Variants in MTA3 observed in about 807,000 individuals in gnomAD.
The protein encoded by MTA3 is metastasis-associated protein MTA3.
In MTA3, 34 loss-of-function variants were observed where a neutral mutation model predicts 83.5. The observed-to-expected ratio is 0.41, with a 90% CI of 0.31 to 0.54. MTA3 has a LOEUF of 0.54. MTA3 is among the 20% of genes least tolerant of loss of function. The pLI, the probability that MTA3 is intolerant of heterozygous loss-of-function variation, is 0.33. For missense variants in MTA3, 761 were observed against 726.4 expected (o/e 1.05, Z -0.55); for synonymous variants, 303 against 252.7 (o/e 1.20, Z -1.89).
intron 16 of MTA3, among the ~76,000 whole-genome samples, chr2:42,741,593 A>G (rs151179778): frequency 1.6e-5 from 2 of 122,884 alleles, no homozygotes; most frequent in Non-Finnish European, 3.3e-5. Context: ...GTCTCTGAGA[A>G]TAGAGATGCT....
At chr2:42,575,744 G>T (rs988375025) in intron 2 of MTA3, among the ~76,000 whole-genome samples, 1 of 152,198 alleles carries the variant, frequency 6.6e-6, no homozygotes, top group African/African-American at 2.4e-5. Context: ...GCTAAATCAT[G>T]CATTGTTTTC....
At chr2:42,551,057 A>T (rs977264931) in intron 2 of MTA3, among the ~76,000 whole-genome samples, 1 of 150,926 alleles carries the variant, frequency 6.6e-6, no homozygotes, top group East Asian at 1.9e-4. Context: ...CTAAATAAAT[A>T]AATAAATAAA....
chr2:42,568,834 G>A, intron 1 of MTA3, 61 bp downstream of exon 1: 1 of 1,210,442 alleles, frequency 8.3e-7, no homozygotes, highest in Non-Finnish European at 1.0e-6. Flanking sequence ...GGGGGGCCGG[G>A]GCGAGTGCAC....
intron 8 of MTA3, among the ~76,000 whole-genome samples, chr2:42,669,117 C>G (rs1360419492): frequency 7.0e-6 from 1 of 143,468 alleles, no homozygotes; most frequent in African/African-American, 2.6e-5. Context: ...GGTAGTCTCG[C>G]TCTGTCACCC....
At chr2:42,545,986 C>T (rs774262278) in intron 2 of MTA3, among the ~76,000 whole-genome samples, 2 of 152,154 alleles carry the variant, frequency 1.3e-5, no homozygotes, top group Non-Finnish European at 2.9e-5. Context: ...ACAGGCTCCG[C>T]GTTAACACTA....
At chr2:42,515,986 G>A (rs1014941198) in intron 2 of MTA3, among the ~76,000 whole-genome samples, 9 of 151,474 alleles carry the variant, frequency 5.9e-5, no homozygotes, top group Admixed American at 4.0e-4. Context: ...GACTACAGGC[G>A]CCTGCCACCA....
chr2:42,599,209 C>G (rs1472123896), intron 3 of MTA3, among the ~76,000 whole-genome samples: 1 of 152,122 alleles, frequency 6.6e-6, no homozygotes, highest in Non-Finnish European at 1.5e-5. Flanking sequence ...GTCTTTAAAG[C>G]TGCACATGTT....
At chr2:42,656,095 C>A (rs1029143585) in intron 6 of MTA3, 105 bp from the exon 7 acceptor site, 2 of 825,370 alleles carry the variant, frequency 2.4e-6, no homozygotes, top group Non-Finnish European at 3.9e-6. Flanking sequence ...TGGGCACTTA[C>A]CTTACACATA....
At chr2:42,531,084 C>A (rs1306303396) in intron 2 of MTA3, among the ~76,000 whole-genome samples, 7 of 152,126 alleles carry the variant, frequency 4.6e-5, no homozygotes, top group African/African-American at 1.7e-4. Context: ...CTCACCTGGG[C>A]CTCCAAAAGT....
At chr2:42,710,999 A>T (rs1217563610) in intron 14 of MTA3, among the ~76,000 whole-genome samples, 1 of 152,160 alleles carries the variant, frequency 6.6e-6, no homozygotes, top group Non-Finnish European at 1.5e-5. Flanking sequence ...GAATCACTTG[A>T]ACCTGGGAGG....
Position 42,656,311 on chromosome 2 carries a change from G to A in MTA3, c.602+9G>A, listed in dbSNP as rs1166265268. The A allele has an allele frequency of 6.3e-7, 1 of 1,578,862 alleles. No homozygotes were observed. The highest frequency in any genetic ancestry group is 1.3e-5 in the African/African-American group (1 of 74,258). On this transcript the variant is annotated intron_variant, in intron 7 of 16. Transcript: ENST00000405094. ...TTTTTAGTTGTAGCACGGTGAGTAT[G>A]AGTATGGCATTATTGAGTCAATAAA...
At chr2:42,665,634 G>T (rs76182320) in intron 8 of MTA3, among the ~76,000 whole-genome samples, 4 of 152,156 alleles carry the variant, frequency 2.6e-5, no homozygotes. Context: ...GAGCTGGATC[G>T]AAGCCTTAGA....
intron 3 of MTA3, among the ~76,000 whole-genome samples, chr2:42,605,208 G>A (rs1222467610): frequency 2.6e-5 from 3 of 117,118 alleles, no homozygotes; most frequent in East Asian, 2.8e-4. Flanking sequence ...TGGCCGGGCG[G>A]GGGGGCTGAC....
chr2:42,609,184 C>A (rs891656116), intron 3 of MTA3, among the ~76,000 whole-genome samples: 20 of 151,988 alleles, frequency 1.3e-4, no homozygotes, highest in African/African-American at 4.8e-4. Context: ...GCGCCCACCA[C>A]CATGCCAGGC....
intron 2 of MTA3, among the ~76,000 whole-genome samples, chr2:42,539,369 G>A (rs927343847): frequency 6.6e-6 from 1 of 152,060 alleles, no homozygotes; most frequent in African/African-American, 2.4e-5. Context: ...GGAGAGAGAA[G>A]AATGAGAGCT....
rs150266362 is a variant in MTA3 at position 42,633,563 on chromosome 2, A to G, written c.318-6610A>G. ...CACTGCACTCTGACCTGGGTGACAG[A>G]GCGAGATCCTGTCTCAAAAAAGAAG... On this transcript the variant is annotated intron_variant, in intron 4 of 16. Transcript: ENST00000405094. Among the ~76,000 whole-genome samples the G allele has an allele frequency of 2.5e-4, 38 of 152,056 alleles. No individual in the cohort carries two copies. The East Asian group carries it at 4.7e-3, about 19-fold the overall frequency.
chr2:42,704,412 A>C, intron 12 of MTA3, 94 bp downstream of exon 12: 2 of 1,461,226 alleles, frequency 1.4e-6, no homozygotes, highest in Middle Eastern at 2.2e-4. Flanking sequence ...AGTACGGTGC[A>C]CCTTGGAAGG....
intron 2 of MTA3, among the ~76,000 whole-genome samples, chr2:42,499,523 G>A (rs1411653246): frequency 2.6e-5 from 4 of 151,448 alleles, no homozygotes; most frequent in African/African-American, 9.7e-5. Context: ...GGGACATGAT[G>A]GCTCATGCCT....
chr2:42,515,209 C>A (rs1368881576), intron 2 of MTA3, among the ~76,000 whole-genome samples: 1 of 151,998 alleles, frequency 6.6e-6, no homozygotes, highest in African/African-American at 2.4e-5. Flanking sequence ...CAGGTGCCCA[C>A]CACCACACCT....
Sources: gnomAD v4.1 joint callset for allele counts (sites outside exome capture counted in the v4.1 genomes callset) on GRCh38, gnomAD v4.1.1 for gene constraint, MANE v1.5 for transcripts, NCBI Gene and HGNC (gene_info 2026-07-23, HGNC 2026-07-21) for gene names.